The following ZNF804A variants were observed in gnomAD, a reference collection of about 807,000 sequenced individuals.
The protein encoded by ZNF804A is zinc finger protein 804A.
ZNF804A carries 2 observed loss-of-function variants against 16.5 expected under a neutral mutation model. That is an observed-to-expected ratio of 0.12 (90% confidence interval 0.05 to 0.38). The LOEUF (loss-of-function observed/expected upper bound fraction) is 0.38, where lower values mean the gene tolerates loss of function less well. Ranked by LOEUF, ZNF804A falls within the 10% of genes least tolerant of loss-of-function variation. The probability of loss-of-function intolerance (pLI) is 0.99; values close to 1 mark genes in which losing one functional copy is unlikely to be tolerated. For missense variants in ZNF804A, 1,473 were observed against 1,390.7 expected, an observed-to-expected ratio of 1.06 and a Z score of -0.94; for synonymous variants, 534 against 489.6, an observed-to-expected ratio of 1.09 and a Z score of -1.20.
chr2:184,643,335 G>T (rs1474000371), intron 1 of ZNF804A, among the ~76,000 whole-genome samples: 1 of 151,868 alleles, frequency 6.6e-6, no homozygotes, highest in Non-Finnish European at 1.5e-5. Flanking sequence ...TTGAACCTTG[G>T]ATTTCTTTTC....
chr2:184,713,884 A>G (rs1327804779), intron 1 of ZNF804A, among the ~76,000 whole-genome samples: 1 of 152,012 alleles, frequency 6.6e-6, no homozygotes, highest in Non-Finnish European at 1.5e-5. Flanking sequence ...TTAAATTCAT[A>G]TTTGGTTTGT....
intron 2 of ZNF804A, among the ~76,000 whole-genome samples, chr2:184,914,868 G>C (rs1410360109): frequency 6.6e-6 from 1 of 151,590 alleles, no homozygotes; most frequent in Non-Finnish European, 1.5e-5. Flanking sequence ...AGATTTCATG[G>C]TTTTAAAGAT....
chr2:184,737,331 G>A (rs1693640342), intron 1 of ZNF804A, among the ~76,000 whole-genome samples: 1 of 151,934 alleles, frequency 6.6e-6, no homozygotes, highest in Non-Finnish European at 1.5e-5. Flanking sequence ...AAAGTGCTGG[G>A]ATTACAGGTG....
intron 1 of ZNF804A, among the ~76,000 whole-genome samples, chr2:184,688,728 A>G (rs1206887364): frequency 1.3e-5 from 2 of 152,192 alleles, no homozygotes; most frequent in Admixed American, 6.5e-5. Flanking sequence ...AAAGGAAATA[A>G]CAATGTTTCT....
chr2:184,628,860 T>C (rs1691553969), intron 1 of ZNF804A, among the ~76,000 whole-genome samples: 1 of 152,190 alleles, frequency 6.6e-6, no homozygotes, highest in African/African-American at 2.4e-5. Flanking sequence ...GTTCATTCTC[T>C]GATAGCAGTA....
intron 1 of ZNF804A, among the ~76,000 whole-genome samples, chr2:184,680,255 G>T (rs1692516766): frequency 6.6e-6 from 1 of 151,822 alleles, no homozygotes. Context: ...CCCACTGCGG[G>T]TCTCCTCTCT....
intron 2 of ZNF804A, among the ~76,000 whole-genome samples, chr2:184,932,602 G>A (rs1367765401): frequency 1.3e-5 from 2 of 152,130 alleles, no homozygotes; most frequent in African/African-American, 4.8e-5. Context: ...TGAGATTTGG[G>A]TGGGGACACA....
chr2:184,776,197 A>C (rs1052400238), intron 1 of ZNF804A, among the ~76,000 whole-genome samples: 1 of 151,610 alleles, frequency 6.6e-6, no homozygotes, highest in Non-Finnish European at 1.5e-5. Context: ...GCAACAAATA[A>C]AAGAAAACAG....
intron 1 of ZNF804A, among the ~76,000 whole-genome samples, chr2:184,662,508 T>C (rs1692190459): frequency 6.6e-6 from 1 of 152,208 alleles, no homozygotes; most frequent in Non-Finnish European, 1.5e-5. Flanking sequence ...AACTGGATAA[T>C]ACTTTGAAAT....
At chr2:184,735,691 G>A (rs922839274) in intron 1 of ZNF804A, among the ~76,000 whole-genome samples, 2 of 152,186 alleles carry the variant, frequency 1.3e-5, no homozygotes, top group African/African-American at 4.8e-5. Context: ...AATAGTGTCA[G>A]AGAAATTGCT....
chr2:184,886,082 C>G (rs2105819952), intron 2 of ZNF804A, among the ~76,000 whole-genome samples: 1 of 152,242 alleles, frequency 6.6e-6, no homozygotes, highest in South Asian at 2.1e-4. Context: ...GCCTGTAAAA[C>G]CAAAAGCAAG....
At chr2:184,881,044 G>C (rs1263511238) in intron 2 of ZNF804A, among the ~76,000 whole-genome samples, 1 of 151,992 alleles carries the variant, frequency 6.6e-6, no homozygotes, top group Non-Finnish European at 1.5e-5. Flanking sequence ...GTAGATTATA[G>C]GTGGAATGTC....
At chr2:184,741,247 G>A (rs1335012472) in intron 1 of ZNF804A, among the ~76,000 whole-genome samples, 1 of 152,132 alleles carries the variant, frequency 6.6e-6, no homozygotes, top group Admixed American at 6.6e-5. Flanking sequence ...TCCAAAGGAA[G>A]AGCTGTATGG....
intron 1 of ZNF804A, among the ~76,000 whole-genome samples, chr2:184,734,297 G>T (rs1436539792): frequency 6.6e-6 from 1 of 151,992 alleles, no homozygotes; most frequent in Non-Finnish European, 1.5e-5. Context: ...TTTCAAATAT[G>T]TGCTTTATTC....
rs141114551 is a variant in ZNF804A, at chr2:184,936,616, T to A, written c.1220T>A (p.Val407Asp). The A allele has an allele frequency of 4.5e-5, 73 of 1,613,422 alleles. No homozygotes were observed. Among genetic ancestry groups the A allele is most frequent in the Middle Eastern group, 1.6e-4 (1 of 6,082 alleles). The part of the protein sequence containing the change: ...ETLAPSNTEE[V>D]NITIHKKTNF... Reference sequence around the variant, plus strand: ...TTGGCCCCTTCAAATACTGAAGAGGTTAACATAACTATACATAAGAAAACA... The same window carrying A: ...TTGGCCCCTTCAAATACTGAAGAGGATAACATAACTATACATAAGAAAACA... Residue 407 changes from valine (V) to aspartate (D), a missense_variant, in exon 4 of 4, where the codon GTT becomes GAT. Physicochemically the swap from Val to Asp is radical, Grantham distance 152. Coordinates refer to ENST00000302277, the MANE Select transcript of ZNF804A (RefSeq NM_194250.2).
intron 1 of ZNF804A, among the ~76,000 whole-genome samples, chr2:184,645,333 G>A (rs1396486130): frequency 6.6e-6 from 1 of 151,962 alleles, no homozygotes; most frequent in Non-Finnish European, 1.5e-5. Flanking sequence ...ATTTTACATT[G>A]ATGATATATT....
At chr2:184,643,178 T>G (rs1327970083) in intron 1 of ZNF804A, among the ~76,000 whole-genome samples, 1 of 152,074 alleles carries the variant, frequency 6.6e-6, no homozygotes, top group African/African-American at 2.4e-5. Flanking sequence ...ATGCATTTAA[T>G]AAATATTTAT....
At chr2:184,704,021 A>G (rs987790355) in intron 1 of ZNF804A, among the ~76,000 whole-genome samples, 1 of 152,180 alleles carries the variant, frequency 6.6e-6, no homozygotes, top group African/African-American at 2.4e-5. Context: ...TAAGGACCTT[A>G]AAGAGAGTTG....
rs374137627 is a variant in ZNF804A at position 184,895,225 on chromosome 2, GGTGT to G, written c.255+28723_255+28726del. 4.6e-5 allele frequency among the ~76,000 whole-genome samples: 7 copies of G among 150,984 alleles called. No individual in the cohort carries two copies. In the East Asian group the frequency reaches 1.2e-3, roughly 25 times the overall value. On this transcript the variant is annotated intron_variant, in intron 2 of 3. Transcript: ENST00000302277. ...GTGTGTGTGTTTGTGGGTGGGTGGG[GGTGT>G]GTGTGTGTGAGAGAGAGAGAGAGAG...
Sources: gnomAD v4.1 joint callset for allele counts (sites outside exome capture counted in the v4.1 genomes callset) on GRCh38, gnomAD v4.1.1 for gene constraint, MANE v1.5 for transcripts, NCBI Gene and HGNC (gene_info 2026-07-23, HGNC 2026-07-21) for gene names.